The following AGBL4 variants were observed in gnomAD, a reference collection of about 807,000 sequenced individuals.
The protein encoded by AGBL4 is cytosolic carboxypeptidase 6.
A neutral mutation model predicts 66.4 loss-of-function variants in AGBL4; 58 were observed. That is an observed-to-expected ratio of 0.87 (90% CI 0.71 to 1.09). The LOEUF is 1.09. AGBL4 is among the 50% of genes least tolerant of loss of function. The pLI is 0.00. For synonymous variants in AGBL4, 234 were observed against 222.9 expected (o/e 1.05, Z -0.44); for missense variants, 579 against 631.0 (o/e 0.92, Z 0.88).
At chr1:48,776,923 C>T in intron 6 of AGBL4, 2 of 282,026 alleles carry the variant, frequency 7.1e-6, no homozygotes, top group Admixed American at 7.8e-5. Context: ...AGTCTCGCTA[C>T]GGTGCTGGGG....
At chr1:49,741,336 C>T (rs936204044) in intron 2 of AGBL4, among the ~76,000 whole-genome samples, 3 of 152,112 alleles carry the variant, frequency 2.0e-5, no homozygotes, top group Non-Finnish European at 4.4e-5. Context: ...ATACACCCTC[C>T]CAAGACTAAA....
rs139484472 is a variant in AGBL4 at position 49,660,669 on chromosome 1, C to T, written c.282+36644G>A. On this transcript the variant is annotated intron_variant, in intron 3 of 13. Coordinates refer to ENST00000371839, the MANE Select transcript of AGBL4 (RefSeq NM_032785.4). The stretch of plus-strand genomic sequence containing the variant: ...ATGCACATGTATGTTCACTGCAGCA[C>T]TATTCACAATAACAAAGATGTGCAA... Among the ~76,000 whole-genome samples the T allele has an allele frequency of 7.9e-3, 1,207 of 152,226 alleles. 7 individuals carry two copies. The highest frequency in any genetic ancestry group is 0.012 in the Non-Finnish European group (784 of 68,026).
chr1:49,821,941 A>G (rs997132246), intron 2 of AGBL4, among the ~76,000 whole-genome samples: 12 of 152,202 alleles, frequency 7.9e-5, no homozygotes, highest in African/African-American at 2.9e-4. Context: ...AATCCCAAAT[A>G]CAGAAAGAAA....
chr1:49,045,700 T>A lies in AGBL4; in HGVS notation c.478A>T (p.Ile160Phe), dbSNP rs2149057575. The A allele has an allele frequency of 6.4e-7, 1 of 1,557,650 alleles. No homozygotes were observed. The highest frequency in any genetic ancestry group is 2.4e-5 in the East Asian group (1 of 41,602). Residue 160 changes from isoleucine (I) to phenylalanine (F), a missense_variant, in exon 5 of 14, where the codon ATT becomes TTT. Coordinates refer to ENST00000371839, the MANE Select transcript of AGBL4 (RefSeq NM_032785.4). ...GGGTAGCAGTAAGCAAACTGGTAAA[T>A]ATCTTCTTCTCGGTCAAAACAAAAG... ...FAFCFDREED[I>F]YQFAYCYPYT...
chr1:48,618,148 C>A lies in AGBL4; in HGVS notation c.951+16345G>T, dbSNP rs147926105. 9.5e-4 allele frequency among the ~76,000 whole-genome samples: 145 copies of A among 152,270 alleles called. 1 individual carries two copies. In the East Asian group the frequency reaches 0.025, roughly 27 times the overall value. On this transcript the variant is annotated intron_variant, in intron 9 of 13. Transcript: ENST00000371839. ...CTTTGGAAGGCTGAGATGGGAAGATCGCTTGAGCTTAGGAGTTTGAGACCA... is the reference window on the plus strand; with the variant it reads ...CTTTGGAAGGCTGAGATGGGAAGATAGCTTGAGCTTAGGAGTTTGAGACCA...
At chr1:48,559,180 A>G (rs1355857898) in intron 11 of AGBL4, among the ~76,000 whole-genome samples, 1 of 152,222 alleles carries the variant, frequency 6.6e-6, no homozygotes, top group Non-Finnish European at 1.5e-5. Flanking sequence ...TCCCCCAAGC[A>G]GAACTGCTGA....
At chr1:49,669,095 T>C (rs79130739) in intron 3 of AGBL4, among the ~76,000 whole-genome samples, 1,796 of 152,200 alleles carry the variant, frequency 0.012, 16 homozygotes, top group Middle Eastern at 0.041. Flanking sequence ...TACAACATAG[T>C]GTGCAGAAAA....
intron 2 of AGBL4, among the ~76,000 whole-genome samples, chr1:49,755,263 T>C (rs1651805509): frequency 6.6e-6 from 1 of 152,110 alleles, no homozygotes; most frequent in Non-Finnish European, 1.5e-5. Context: ...TACCATGCAC[T>C]CCTAATTAAG....
intron 6 of AGBL4, among the ~76,000 whole-genome samples, chr1:48,829,059 C>G (rs144844917): frequency 6.6e-6 from 1 of 152,260 alleles, no homozygotes. Context: ...TGTCCAAGGT[C>G]TAAGATGAAC....
chr1:49,296,230 T>C (rs1447361573), intron 3 of AGBL4, among the ~76,000 whole-genome samples: 2 of 152,194 alleles, frequency 1.3e-5, no homozygotes, highest in Non-Finnish European at 2.9e-5. Context: ...AATATCTCTA[T>C]TATACAGTTG....
rs530232358 is a variant in AGBL4, at chr1:49,835,555, C to T, written c.157+15841G>A. Among the ~76,000 whole-genome samples, 8 of 152,308 alleles carry T rather than the reference C, an allele frequency of 5.3e-5. No homozygotes were observed. In the South Asian group the frequency reaches 1.7e-3, roughly 32 times the overall value. ...GCCAGTCTGTGTCTTTTAATTGAGA[C>T]ATTTAGCCCATTTGCATTTAAGGCT... On this transcript the variant is annotated intron_variant, in intron 2 of 13. Coordinates refer to ENST00000371839, the MANE Select transcript of AGBL4 (RefSeq NM_032785.4).
chr1:49,931,260 AAATG>A (rs1314117931), intron 1 of AGBL4, among the ~76,000 whole-genome samples: 3 of 152,236 alleles, frequency 2.0e-5, no homozygotes, highest in African/African-American at 7.2e-5. Context: ...AGACTTAAAT[AAATG>A]AAGATATACT....
At chr1:49,416,115 C>T (rs981699351) in intron 3 of AGBL4, among the ~76,000 whole-genome samples, 5 of 151,940 alleles carry the variant, frequency 3.3e-5, no homozygotes, top group Non-Finnish European at 7.4e-5. Flanking sequence ...GTTAAGGACA[C>T]AAAAATGGTT....
intron 3 of AGBL4, among the ~76,000 whole-genome samples, chr1:49,528,377 A>AAT (rs1196879504): frequency 6.6e-6 from 1 of 152,056 alleles, no homozygotes; most frequent in Non-Finnish European, 1.5e-5. Context: ...AATCCTAATC[A>AAT]ATATAGCACT....
intron 8 of AGBL4, among the ~76,000 whole-genome samples, chr1:48,651,675 T>C (rs551220571): frequency 1.3e-5 from 2 of 152,278 alleles, no homozygotes; most frequent in South Asian, 4.1e-4. Flanking sequence ...GCTTCAGGCA[T>C]CTCATGGGCT....
intron 3 of AGBL4, among the ~76,000 whole-genome samples, chr1:49,408,329 T>A (rs1645246893): frequency 1.3e-5 from 2 of 152,358 alleles, no homozygotes; most frequent in South Asian, 4.1e-4. Flanking sequence ...TTTAGTACAA[T>A]CTATTGTAAA....
At chr1:49,883,663 T>C (rs1571798713) in intron 1 of AGBL4, among the ~76,000 whole-genome samples, 1 of 152,080 alleles carries the variant, frequency 6.6e-6, no homozygotes, top group Non-Finnish European at 1.5e-5. Flanking sequence ...TATTGTTTTT[T>C]TGCTTATCTG....
chr1:49,240,396 C>T (rs1462130273), intron 4 of AGBL4, among the ~76,000 whole-genome samples: 1 of 152,056 alleles, frequency 6.6e-6, no homozygotes, highest in South Asian at 2.1e-4. Context: ...TCCTACCACC[C>T]ACCAGGTCAC....
At chr1:49,379,735 G>A (rs1266445585) in intron 3 of AGBL4, among the ~76,000 whole-genome samples, 2 of 152,094 alleles carry the variant, frequency 1.3e-5, no homozygotes, top group Non-Finnish European at 2.9e-5. Context: ...AAGCCCACTT[G>A]ATCATGGTGG....
Sources: allele counts gnomAD v4.1 joint callset (sites outside exome capture counted in the v4.1 genomes callset), GRCh38; gene constraint gnomAD v4.1.1; transcripts MANE v1.5; gene names NCBI Gene and HGNC (gene_info 2026-07-23, HGNC 2026-07-21).